Variants in TPM3 observed in about 807,000 individuals in gnomAD.
TPM3 encodes the protein tropomyosin alpha-3 chain.
TPM3 carries 16 observed loss-of-function variants against 43.1 expected under a neutral mutation model. The ratio of observed to expected loss-of-function variants is 0.37; its 90% CI spans 0.25 to 0.56. The LOEUF (loss-of-function observed/expected upper bound fraction) is 0.56. Among genes scored for constraint, TPM3 ranks in the 20% least tolerant of loss-of-function variants. TPM3 has a pLI of 0.77. For synonymous variants in TPM3, 101 were observed against 116.9 expected (o/e 0.86, Z 0.88); for missense variants, 176 against 337.2 (o/e 0.52, Z 3.74).
chr1:154,164,561 C>T lies in TPM3; in HGVS notation c.*3376G>A, dbSNP rs1660744627. Among the ~76,000 whole-genome samples, 1 of 152,164 alleles carries T rather than the reference C, an allele frequency of 6.6e-6. No individual in the cohort carries two copies. Among genetic ancestry groups the T allele is most frequent in the Non-Finnish European group, 1.5e-5 (1 of 68,024 alleles). ...TCTTTATTTAGTGCTATCTCTCCTG[C>T]CACTACTCTAGCTCAGACCCTGATT... On this transcript the variant is annotated 3_prime_UTR_variant, in exon 10 of 10. Transcript: ENST00000651641.
chr1:154,158,472 C>G, downstream of TPM3: 2 of 267,902 alleles, frequency 7.5e-6, no homozygotes, highest in Non-Finnish European at 1.4e-5. Context: ...GAGGAAAATA[C>G]TCAAATCTTC....
rs1215456326 is a variant in TPM3, at chr1:154,166,878, T to TCA, written c.*1057_*1058dup. On this transcript the variant is annotated 3_prime_UTR_variant, in exon 10 of 10. Transcript: ENST00000651641. Reference sequence around the variant, plus strand: ...TTGTATTTTTAGTAGAGACGGGGTTTCACCATGTTGGCCGAGCTGGTCTCG... The same window carrying TCA: ...TTGTATTTTTAGTAGAGACGGGGTTTCACACCATGTTGGCCGAGCTGGTCTCG... Among the ~76,000 whole-genome samples the TCA allele has an allele frequency of 3.3e-5, 5 of 152,128 alleles. No individual in the cohort carries two copies. The highest frequency in any genetic ancestry group is 7.3e-5 in the Non-Finnish European group (5 of 68,030).
chr1:154,161,271 C>T (rs759254098), downstream of TPM3, among the ~76,000 whole-genome samples: 4 of 151,428 alleles, frequency 2.6e-5, no homozygotes, highest in African/African-American at 2.4e-5. Context: ...TTCACTGGGG[C>T]GTCCTTGTCA....
downstream of TPM3, among the ~76,000 whole-genome samples, chr1:154,161,154 A>G (rs1220777658): frequency 1.4e-5 from 2 of 146,292 alleles, no homozygotes; most frequent in Non-Finnish European, 1.5e-5. Flanking sequence ...AAAAAAAAAA[A>G]GCAAAAATCC....
At chr1:154,158,256 G>A (rs1660005945), downstream of TPM3, among the ~76,000 whole-genome samples, 1 of 152,172 alleles carries the variant, frequency 6.6e-6, no homozygotes, top group African/African-American at 2.4e-5. Flanking sequence ...AGAAAACAAA[G>A]CCAAGAATAC....
chr1:154,171,832 C>A, intron 5 of TPM3: 1 of 711,812 alleles, frequency 1.4e-6, no homozygotes, highest in East Asian at 2.5e-5. Context: ...GAAGGAGACC[C>A]TGTGGAGAGG....
At chr1:154,188,186 C>T (rs1045689649) in intron 2 of TPM3, among the ~76,000 whole-genome samples, 4 of 151,372 alleles carry the variant, frequency 2.6e-5, no homozygotes, top group Middle Eastern at 3.2e-3. Flanking sequence ...CTCTGGAGTA[C>T]GCGGGACTAC....
intron 2 of TPM3, among the ~76,000 whole-genome samples, chr1:154,184,714 AC>A (rs1459316517): frequency 6.6e-6 from 1 of 151,886 alleles, no homozygotes; most frequent in East Asian, 1.9e-4. Context: ...AGAGTTTGAG[AC>A]CAGCCTGGGC....
In TPM3 at chr1:154,174,482, CT is replaced by C. The variant is rs556084028; in HGVS notation, c.378-1282del. Among the ~76,000 whole-genome samples, 1,269 of 140,488 alleles carry C rather than the reference CT, an allele frequency of 9.0e-3. 10 individuals carry two copies. Among genetic ancestry groups the C allele is most frequent in the Middle Eastern group, 0.069 (18 of 262 alleles). The allele number at this position is 140,488 out of a possible 152,430, so 92.2% of individuals were successfully genotyped here. On this transcript the variant is annotated intron_variant, in intron 3 of 9. Transcript: ENST00000651641. The stretch of plus-strand genomic sequence containing the variant: ...GGTTCTGCAACTTGTTTTCCACACT[CT>C]TTTTTTTCCCCCCGGTATTCAGCAT...
At chr1:154,155,485 C>T (rs2148175900), downstream of TPM3, 1 of 238,082 alleles carries the variant, frequency 4.2e-6, no homozygotes, top group South Asian at 1.5e-4. Flanking sequence ...TCGACTTTGT[C>T]AAGGGAACCG....
chr1:154,187,985 C>A (rs757418248), intron 2 of TPM3, among the ~76,000 whole-genome samples: 6 of 151,478 alleles, frequency 4.0e-5, no homozygotes, highest in Non-Finnish European at 8.8e-5. Context: ...CCAGGGGTAA[C>A]CTGTAGATTT....
Position 154,167,643 on chromosome 1 carries a change from G to A in TPM3, c.*294C>T. 1.5e-6 allele frequency: 2 copies of A among 1,293,622 alleles called. No individual in the cohort carries two copies. Among genetic ancestry groups the A allele is most frequent in the Non-Finnish European group, 2.0e-6 (2 of 1,011,942 alleles). The allele number at this position is 1,293,622 out of a possible 1,614,324, so 80.1% of individuals were successfully genotyped here. ...AGTGGCTTTGATTACATAAGTCAGAGGAGGGGGAGCCTACAATAGCTCTTC... is the reference window on the plus strand; with the variant it reads ...AGTGGCTTTGATTACATAAGTCAGAAGAGGGGGAGCCTACAATAGCTCTTC... On this transcript the variant is annotated 3_prime_UTR_variant, in exon 10 of 10. Coordinates refer to ENST00000651641, the MANE Select transcript of TPM3 (RefSeq NM_152263.4).
intron 3 of TPM3, among the ~76,000 whole-genome samples, chr1:154,174,521 ACTTT>A (rs907066440): frequency 3.5e-5 from 5 of 141,818 alleles, no homozygotes; most frequent in South Asian, 2.3e-4. Flanking sequence ...AGCTATCCTC[ACTTT>A]CTTTCTTTTT....
chr1:154,161,827 T>C lies in TPM3; in HGVS notation c.*6110A>G, dbSNP rs185496725. Reference sequence around the variant, plus strand: ...AAGAGACAGAGAAGGAGTGAGAGCATTTTATTGCCTGACTAAATCACAGAA... The same window carrying C: ...AAGAGACAGAGAAGGAGTGAGAGCACTTTATTGCCTGACTAAATCACAGAA... On this transcript the variant is annotated 3_prime_UTR_variant, in exon 10 of 10. Coordinates refer to ENST00000651641, the MANE Select transcript of TPM3 (RefSeq NM_152263.4). Among the ~76,000 whole-genome samples the C allele has an allele frequency of 8.5e-5, 13 of 152,218 alleles. No homozygotes were observed. The highest frequency in any genetic ancestry group is 3.3e-4 in the Admixed American group (5 of 15,288).
At position 154,173,112 on chromosome 1, in the gene TPM3, G is replaced by C; in HGVS notation, c.467C>G (p.Ala156Gly). Reference sequence around the variant, plus strand: ...TTCATACTTCCTATCTGCCTCTTCTGCAATGTGCTTAGCTTCTTTGAGTTG... The same window carrying C: ...TTCATACTTCCTATCTGCCTCTTCTCCAATGTGCTTAGCTTCTTTGAGTTG... ...EIQLKEAKHIAEEADRKYEEV... is the reference protein window; with the variant it reads ...EIQLKEAKHIGEEADRKYEEV... Residue 156 changes from alanine to glycine, a missense_variant, in exon 4 of 10, where the codon GCA (alanine) becomes GGA (glycine). Ala to Gly is a moderately conservative substitution (Grantham distance 60, BLOSUM62 0). This residue lies in a region of TPM3 where 15 missense variants were observed against 68.4 expected (regional missense o/e 0.22). Coordinates refer to ENST00000651641, the MANE Select transcript of TPM3 (RefSeq NM_152263.4). 1 of 1,614,236 alleles carries C rather than the reference G, an allele frequency of 6.2e-7. No individual in the cohort carries two copies. The highest frequency in any genetic ancestry group is 1.1e-5 in the South Asian group (1 of 91,086).
chr1:154,183,078 G>A (rs1304928412), intron 2 of TPM3: 7 of 1,602,200 alleles, frequency 4.4e-6, no homozygotes, highest in Middle Eastern at 2.3e-4. Flanking sequence ...GCAGAACCTG[G>A]ATCTTGCGCT....
downstream of TPM3, chr1:154,157,226 G>A (rs1267348788): frequency 5.1e-6 from 2 of 392,014 alleles, no homozygotes; most frequent in Non-Finnish European, 4.8e-6. Flanking sequence ...ATGGAGAGGG[G>A]AATATGCATT....
At chr1:154,161,131 T>TA (rs953940037), downstream of TPM3, among the ~76,000 whole-genome samples, 8,820 of 84,798 alleles carry the variant, frequency 0.1, 807 homozygotes, top group African/African-American at 0.28. Context: ...ATGCAAATAT[T>TA]AAAAAAAAAA....
Position 154,167,957 on chromosome 1 carries a change from G to C in TPM3, c.855-17C>G. On this transcript the variant is annotated splice_polypyrimidine_tract_variant and intron_variant, in intron 9 of 9. Coordinates refer to ENST00000651641, the MANE Select transcript of TPM3 (RefSeq NM_152263.4). ...GATAATTATCTGTATGAAAAAGTAA[G>C]GATACTCTAGGTGAGAAGGACTAGC... The C allele has an allele frequency of 1.9e-6, 3 of 1,613,812 alleles. No individual in the cohort carries two copies. Among genetic ancestry groups the C allele is most frequent in the Non-Finnish European group, 2.5e-6 (3 of 1,179,916 alleles).
Sources: allele counts gnomAD v4.1 joint callset (sites outside exome capture counted in the v4.1 genomes callset), GRCh38; gene constraint gnomAD v4.1.1; regional missense constraint gnomAD v4.1.1; transcripts MANE v1.5; gene names NCBI Gene and HGNC (gene_info 2026-07-23, HGNC 2026-07-21).